Variants in SAMMSON observed in about 807,000 individuals in gnomAD.
SAMMSON encodes survival associated mitochondrial melanoma specific oncogenic non-coding RNA, also known as long intergenic non-protein coding RNA 1212.
At chr3:70,167,247 C>G (rs962167085) in intron 4 of SAMMSON, among the ~76,000 whole-genome samples, 1 of 151,842 alleles carries the variant, frequency 6.6e-6, no homozygotes, top group African/African-American at 2.4e-5. Flanking sequence ...GCATATTAAA[C>G]TATAGTTGGC....
At chr3:70,279,286 A>G (rs1243223575) in intron 6 of SAMMSON, among the ~76,000 whole-genome samples, 1 of 152,052 alleles carries the variant, frequency 6.6e-6, no homozygotes, top group Admixed American at 6.6e-5. Flanking sequence ...CAAGACTCTG[A>G]GAGATCAAAC....
At chr3:70,324,814 G>T (rs1455753486) in intron 7 of SAMMSON, among the ~76,000 whole-genome samples, 1 of 151,580 alleles carries the variant, frequency 6.6e-6, no homozygotes, top group African/African-American at 2.4e-5. Flanking sequence ...ACAGCGTAAT[G>T]CATCATGATA....
rs867079490 is a variant in SAMMSON, at chr3:70,362,808, T to C, written n.913+4484T>C. 5.1e-3 allele frequency among the ~76,000 whole-genome samples: 771 copies of C among 151,460 alleles called. 6 individuals are homozygous for C. Among genetic ancestry groups the C allele is most frequent in the African/African-American group, 0.017 (723 of 41,348 alleles). On this transcript the variant is annotated intron_variant and non_coding_transcript_variant, in intron 9 of 9. Coordinates refer to ENST00000642114, the Ensembl canonical transcript of SAMMSON. The stretch of plus-strand genomic sequence containing the variant: ...TGGTAACCCAGGAAAGATCTGCTTT[T>C]TTTTTTTTTTTTTCTCCAGTGGCTG...
At chr3:70,107,996 A>C (rs2067373968) in intron 4 of SAMMSON, among the ~76,000 whole-genome samples, 1 of 152,184 alleles carries the variant, frequency 6.6e-6, no homozygotes, top group African/African-American at 2.4e-5. Flanking sequence ...ATATAATTAG[A>C]AACAATTATA....
At chr3:70,151,508 C>G (rs1248292895) in intron 4 of SAMMSON, among the ~76,000 whole-genome samples, 1 of 151,964 alleles carries the variant, frequency 6.6e-6, no homozygotes, top group Non-Finnish European at 1.5e-5. Flanking sequence ...CTATGTTTTC[C>G]TCCTTTCTTT....
intron 2 of SAMMSON, among the ~76,000 whole-genome samples, chr3:70,407,051 G>A (rs1343888147): frequency 6.6e-6 from 1 of 152,188 alleles, no homozygotes; most frequent in African/African-American, 2.4e-5. Context: ...AAATGAGGAA[G>A]ATGCAAAAGG....
intron 2 of SAMMSON, among the ~76,000 whole-genome samples, chr3:70,419,156 C>A (rs1287318656): frequency 6.6e-6 from 1 of 152,098 alleles, no homozygotes; most frequent in Non-Finnish European, 1.5e-5. Flanking sequence ...TCCTGAGTAA[C>A]TGGGACTACA....
At chr3:70,050,929 A>G (rs912720492) in intron 3 of SAMMSON, among the ~76,000 whole-genome samples, 2 of 151,858 alleles carry the variant, frequency 1.3e-5, no homozygotes, top group Non-Finnish European at 2.9e-5. Flanking sequence ...TGAGGTCAGG[A>G]GTTCAAGACC....
intron 9 of SAMMSON, among the ~76,000 whole-genome samples, chr3:70,387,968 A>AT (rs993478987): frequency 2.6e-5 from 3 of 115,808 alleles, no homozygotes; most frequent in South Asian, 2.5e-4. Flanking sequence ...TTTTGAGCCT[A>AT]TTTTTTTTGG....
chr3:70,170,857 C>T (rs1700937858), intron 4 of SAMMSON, among the ~76,000 whole-genome samples: 1 of 151,874 alleles, frequency 6.6e-6, no homozygotes, highest in Non-Finnish European at 1.5e-5. Context: ...CTAACCCAAA[C>T]TCTCCACAGT....
At chr3:70,245,098 A>T (rs1398859319) in intron 4 of SAMMSON, among the ~76,000 whole-genome samples, 1 of 152,092 alleles carries the variant, frequency 6.6e-6, no homozygotes, top group African/African-American at 2.4e-5. Flanking sequence ...ATTACTAGAA[A>T]CCTAAGCTCA....
intron 9 of SAMMSON, among the ~76,000 whole-genome samples, chr3:70,371,043 A>G (rs2106745824): frequency 6.6e-6 from 1 of 151,966 alleles, no homozygotes; most frequent in Middle Eastern, 3.4e-3. Flanking sequence ...TTGCTATGCA[A>G]TTTTCCTAGT....
chr3:70,039,188 A>G (rs1169770501), intron 3 of SAMMSON, among the ~76,000 whole-genome samples: 1 of 152,114 alleles, frequency 6.6e-6, no homozygotes, highest in Admixed American at 6.6e-5. Flanking sequence ...AGCCCTTTGA[A>G]TCTTGTCTCC....
chr3:70,179,761 C>G (rs993853371), intron 4 of SAMMSON, among the ~76,000 whole-genome samples: 3 of 152,056 alleles, frequency 2.0e-5, no homozygotes, highest in Non-Finnish European at 4.4e-5. Context: ...GGAATATCCT[C>G]TGTTCTATAT....
intron 7 of SAMMSON, among the ~76,000 whole-genome samples, chr3:70,344,734 T>A (rs1702737848): frequency 6.6e-6 from 1 of 152,076 alleles, no homozygotes; most frequent in Admixed American, 6.6e-5. Context: ...TTGCTCCCCC[T>A]CCTGTAATGG....
At chr3:70,065,134 A>ATTT (rs1419748883) in intron 3 of SAMMSON, 1 of 149,610 alleles carries the variant, frequency 6.7e-6, no homozygotes, top group African/African-American at 2.5e-5. Context: ...CCATTTTTTT[A>ATTT]TTTTTTTTGC....
intron 3 of SAMMSON, chr3:70,065,407 A>C (rs1462306278): frequency 6.6e-6 from 1 of 152,102 alleles, no homozygotes; most frequent in Non-Finnish European, 1.5e-5. Context: ...GGGCTCTAGC[A>C]CACCTATTAC....
At chr3:70,335,529 T>C (rs1368825729) in intron 7 of SAMMSON, among the ~76,000 whole-genome samples, 4 of 152,012 alleles carry the variant, frequency 2.6e-5, no homozygotes, top group Admixed American at 6.6e-5. Flanking sequence ...CACTCTGAAG[T>C]TGAGTAACTA....
At chr3:70,367,878 C>T (rs930989212) in intron 9 of SAMMSON, among the ~76,000 whole-genome samples, 2 of 151,334 alleles carry the variant, frequency 1.3e-5, no homozygotes, top group South Asian at 2.1e-4. Context: ...CGTATCCTTG[C>T]CAGTGTCTGT....
Sources: allele counts gnomAD v4.1 joint callset (sites outside exome capture counted in the v4.1 genomes callset), GRCh38; gene constraint gnomAD v4.1.1; transcripts MANE v1.5; gene names NCBI Gene and HGNC (gene_info 2026-07-23, HGNC 2026-07-21).